C2orf80: variants seen among roughly 807,000 people sequenced by gnomAD.
C2orf80 encodes the protein uncharacterized protein C2orf80.
Under a neutral mutation model 30.2 loss-of-function variants are expected in C2orf80, and 28 were observed. That is an observed-to-expected ratio of 0.93 (90% CI 0.69 to 1.27). C2orf80 has a LOEUF of 1.27. Among genes scored for constraint, C2orf80 ranks in the 50% most tolerant of loss-of-function variants. The pLI is 0.00. For missense variants in C2orf80, 220 were observed against 231.0 expected (o/e 0.95, Z 0.31); for synonymous variants, 80 against 76.4 (o/e 1.05, Z -0.24).
At chr2:208,172,817 T>C (rs1171023359) in intron 6 of C2orf80, among the ~76,000 whole-genome samples, 1 of 152,186 alleles carries the variant, frequency 6.6e-6, no homozygotes, top group Non-Finnish European at 1.5e-5. Context: ...TGCTTCTTGC[T>C]TTTGCAAGAG....
chr2:208,173,434 A>C lies in C2orf80; in HGVS notation c.367-1359T>G, dbSNP rs151033660. Among the ~76,000 whole-genome samples, 806 of 152,162 alleles carry C rather than the reference A, an allele frequency of 5.3e-3. 6 individuals are homozygous for C. Among genetic ancestry groups the C allele is most frequent in the Non-Finnish European group, 8.5e-3 (580 of 67,984 alleles). The stretch of plus-strand genomic sequence containing the variant: ...GGTCAGGAGATCGAAACTATCCTGG[A>C]TAACACTGTGAAAACCCGTGTCTAC... On this transcript the variant is annotated intron_variant, in intron 6 of 8. Transcript: ENST00000341287.
intron 7 of C2orf80, 38 bp from the exon 8 acceptor site, chr2:208,171,101 CTT>C: frequency 7.0e-7 from 1 of 1,421,224 alleles, no homozygotes; most frequent in Non-Finnish European, 9.8e-7. Context: ...GTATATAAAA[CTT>C]TTTTAAAAAT....
chr2:208,172,852 C>T (rs112673591), intron 6 of C2orf80, among the ~76,000 whole-genome samples: 1 of 152,276 alleles, frequency 6.6e-6, no homozygotes, highest in Non-Finnish European at 1.5e-5. Context: ...CGCAGTGGGT[C>T]ATGCCTGCAA....
At chr2:208,171,275 A>T (rs1696090124) in intron 7 of C2orf80, among the ~76,000 whole-genome samples, 1 of 152,160 alleles carries the variant, frequency 6.6e-6, no homozygotes, top group African/African-American at 2.4e-5. Flanking sequence ...CCTCCTGAGT[A>T]GGTGGGACTA....
rs377313007 is a variant in C2orf80, at chr2:208,187,020, A to C, written c.-34T>G. On this transcript the variant is annotated 5_prime_UTR_variant, in exon 2 of 9. Transcript: ENST00000341287. ...CTTAGCCAGCTGAGCAGGTATCTGC[A>C]GCTAACACTACACTTAGACCCAGCT... 2 of 1,609,244 alleles carry C rather than the reference A, an allele frequency of 1.2e-6. No homozygotes were observed. Among genetic ancestry groups the C allele is most frequent in the Admixed American group, 1.7e-5 (1 of 59,974 alleles).
chr2:208,184,093 C>T (rs1696643189), intron 3 of C2orf80, among the ~76,000 whole-genome samples: 1 of 152,176 alleles, frequency 6.6e-6, no homozygotes, highest in African/African-American at 2.4e-5. Flanking sequence ...GGACCATGAC[C>T]AAATGTTGCA....
intron 6 of C2orf80, among the ~76,000 whole-genome samples, chr2:208,173,079 A>T (rs908214392): frequency 2.1e-5 from 3 of 141,450 alleles, no homozygotes; most frequent in African/African-American, 8.0e-5. Flanking sequence ...AGATTGCGTC[A>T]CTGCACTCCA....
At chr2:208,181,586 A>G (rs2105909566) in intron 4 of C2orf80, among the ~76,000 whole-genome samples, 1 of 152,214 alleles carries the variant, frequency 6.6e-6, no homozygotes. Flanking sequence ...GGTTTTGCAA[A>G]CCATTATCCT....
chr2:208,178,216 C>T (rs1035944899), intron 6 of C2orf80, among the ~76,000 whole-genome samples: 2 of 152,102 alleles, frequency 1.3e-5, no homozygotes, highest in Non-Finnish European at 2.9e-5. Flanking sequence ...TGGAGGGGTC[C>T]ACAGTGCCAT....
At chr2:208,169,467 C>T (rs951681387) in intron 8 of C2orf80, among the ~76,000 whole-genome samples, 2 of 152,064 alleles carry the variant, frequency 1.3e-5, no homozygotes, top group East Asian at 3.9e-4. Flanking sequence ...CACAGTGGCT[C>T]ACGCCTGTAA....
At position 208,186,932 on chromosome 2, in the gene C2orf80, T is replaced by C; in HGVS notation, c.41+14A>G. On this transcript the variant is annotated intron_variant, in intron 2 of 8. Coordinates refer to ENST00000341287, the MANE Select transcript of C2orf80 (RefSeq NM_001099334.3). ...CAAGTGTCATAAATGAAAGTTATTCTCAGTCATACTTACAAGAGCTTTTTC... is the reference window on the plus strand; with the variant it reads ...CAAGTGTCATAAATGAAAGTTATTCCCAGTCATACTTACAAGAGCTTTTTC... The C allele has an allele frequency of 6.2e-7, 1 of 1,611,270 alleles. No individual in the cohort carries two copies. Among genetic ancestry groups the C allele is most frequent in the Non-Finnish European group, 8.5e-7 (1 of 1,177,330 alleles).
chr2:208,165,667 C>A lies in C2orf80; in HGVS notation c.*140G>T, dbSNP rs1695862235. The A allele has an allele frequency of 8.9e-7, 1 of 1,120,850 alleles. No homozygotes were observed. Among genetic ancestry groups the A allele is most frequent in the Non-Finnish European group, 1.3e-6 (1 of 794,412 alleles). 69.4% of individuals were successfully genotyped at this position (1,120,850 alleles called of 1,614,324 possible). A position where few individuals can be genotyped will look rare whatever the true frequency, so the allele number is the denominator to read the frequency against. ...CTTCTAAAAGAAGAAAGCTCAACATCAAAAATAACACTTCAGTGCAGTTGT... is the reference window on the plus strand; with the variant it reads ...CTTCTAAAAGAAGAAAGCTCAACATAAAAAATAACACTTCAGTGCAGTTGT... On this transcript the variant is annotated 3_prime_UTR_variant, in exon 9 of 9. Transcript: ENST00000341287.
In C2orf80 at chr2:208,172,068, C is replaced by T. The variant is rs199911442; in HGVS notation, c.374G>A (p.Arg125Gln). 1.5e-5 allele frequency: 24 copies of T among 1,612,800 alleles called. No individual in the cohort carries two copies. Among genetic ancestry groups the T allele is most frequent in the Admixed American group, 3.3e-5 (2 of 59,976 alleles). ...CAAGGAGAGGCAGAGAGATGAAACT[C>T]GGGGAACCTGAAAGGAAAACAGTCC... ...SADSGTIKVP[R>Q]VSSLCLSLHP... Residue 125 changes from arginine to glutamine, a missense_variant, in exon 7 of 9, where the codon CGA (arginine) becomes CAA (glutamine). Arg to Gln is a conservative substitution (Grantham distance 43). Coordinates refer to ENST00000341287, the MANE Select transcript of C2orf80 (RefSeq NM_001099334.3).
chr2:208,176,677 G>A (rs922159773), intron 6 of C2orf80, among the ~76,000 whole-genome samples: 1 of 151,824 alleles, frequency 6.6e-6, no homozygotes, highest in African/African-American at 2.4e-5. Flanking sequence ...TCATTCCCAC[G>A]ACAACCCCAT....
intron 6 of C2orf80, among the ~76,000 whole-genome samples, chr2:208,179,146 G>A (rs10190004): frequency 0.53 from 79,952 of 152,072 alleles, 24,058 homozygotes; most frequent in African/African-American, 0.81. Flanking sequence ...GAACAGATGA[G>A]TGAATGAATG....
chr2:208,183,117 T>A (rs995969467), intron 3 of C2orf80, 70 bp from the exon 4 acceptor site: 10 of 1,220,560 alleles, frequency 8.2e-6, no homozygotes, highest in Non-Finnish European at 1.2e-5. Flanking sequence ...CTGGACCCAA[T>A]GACAATGGGA....
At chr2:208,170,828 T>G in intron 8 of C2orf80, 117 bp downstream of exon 8, 1 of 779,906 alleles carries the variant, frequency 1.3e-6, no homozygotes, top group Non-Finnish European at 2.2e-6. Flanking sequence ...AGCAGTCGGC[T>G]CTAGATTCAA....
intron 8 of C2orf80, among the ~76,000 whole-genome samples, chr2:208,166,572 T>C (rs1695898929): frequency 6.6e-6 from 1 of 152,230 alleles, no homozygotes; most frequent in African/African-American, 2.4e-5. Context: ...TCTCTCTATG[T>C]CTCATTTCCT....
intron 8 of C2orf80, among the ~76,000 whole-genome samples, chr2:208,166,724 G>A (rs1574351449): frequency 2.0e-5 from 3 of 151,586 alleles, no homozygotes; most frequent in Admixed American, 1.3e-4. Context: ...GCGGGATCTC[G>A]GCTCACTGCA....
Sources: allele counts gnomAD v4.1 joint callset (sites outside exome capture counted in the v4.1 genomes callset), GRCh38; gene constraint gnomAD v4.1.1; transcripts MANE v1.5; gene names NCBI Gene and HGNC (gene_info 2026-07-23, HGNC 2026-07-21).